The following NXPE1 variants were observed in gnomAD, a reference collection of about 807,000 sequenced individuals.
NXPE1 encodes neurexophilin and PC-esterase domain family member 1, also known as NXPE family member 1.
NXPE1 carries 31 observed loss-of-function variants against 33.3 expected under a neutral mutation model. The observed-to-expected ratio is 0.93, with a 90% CI of 0.70 to 1.26. The LOEUF is 1.26. Ranked by LOEUF, NXPE1 falls within the 50% of genes most tolerant of loss-of-function variation. The pLI is 0.00. For synonymous variants in NXPE1, 229 were observed against 231.4 expected (o/e 0.99, Z 0.09); for missense variants, 661 against 655.6 (o/e 1.01, Z -0.09).
At chr11:114,559,631 A>G (rs1948732963) in intron 1 of NXPE1, among the ~76,000 whole-genome samples, 167 bp downstream of exon 1, 1 of 151,372 alleles carries the variant, frequency 6.6e-6, no homozygotes, top group Non-Finnish European at 1.5e-5. Flanking sequence ...TGTTTCCCAC[A>G]CTTTCTTCTG....
chr11:114,545,691 CTTT>C (rs202218807), intron 5 of NXPE1, among the ~76,000 whole-genome samples: 2 of 138,762 alleles, frequency 1.4e-5, no homozygotes, highest in African/African-American at 2.6e-5. Context: ...AAGAGTGGAT[CTTT>C]TTTTTTTTTT....
At chr11:114,547,676 A>G (rs1375921948) in intron 5 of NXPE1, among the ~76,000 whole-genome samples, 5 of 152,188 alleles carry the variant, frequency 3.3e-5, no homozygotes, top group Non-Finnish European at 7.4e-5. Context: ...CAGAGGTTGC[A>G]GTGAGCCGAG....
intron 7 of NXPE1, chr11:114,526,539 G>C (rs879702015): frequency 7.9e-6 from 1 of 126,140 alleles, no homozygotes; most frequent in Non-Finnish European, 1.7e-5. Context: ...GGTTTCTGTG[G>C]CTTTCAAGTC....
At chr11:114,546,791 A>G (rs1948299497) in intron 5 of NXPE1, among the ~76,000 whole-genome samples, 1 of 152,162 alleles carries the variant, frequency 6.6e-6, no homozygotes, top group South Asian at 2.1e-4. Context: ...AGCATCTTGT[A>G]GTGTCGGAAA....
At chr11:114,528,975 C>A in intron 6 of NXPE1, 1 of 438,510 alleles carries the variant, frequency 2.3e-6, no homozygotes, top group Non-Finnish European at 4.1e-6. Context: ...TTTTACTTTT[C>A]AGAAGGGAGC....
chr11:114,546,375 T>C (rs527866350), intron 5 of NXPE1, among the ~76,000 whole-genome samples: 1 of 152,310 alleles, frequency 6.6e-6, no homozygotes, highest in African/African-American at 2.4e-5. Flanking sequence ...GAGCCCATGT[T>C]TAGCTTAATA....
intron 5 of NXPE1, among the ~76,000 whole-genome samples, chr11:114,532,164 TTGG>T (rs1303769110): frequency 6.6e-6 from 1 of 152,174 alleles, no homozygotes; most frequent in Non-Finnish European, 1.5e-5. Context: ...ACCCTTGTGA[TTGG>T]TAACAAACTG....
intron 6 of NXPE1, 75 bp from the exon 7 acceptor site, chr11:114,527,976 G>T: frequency 8.9e-7 from 1 of 1,122,884 alleles, no homozygotes; most frequent in Non-Finnish European, 1.3e-6. Context: ...CTGCTTGTGA[G>T]TGAAGGAAAA....
At chr11:114,557,809 T>A (rs113392722) in intron 1 of NXPE1, among the ~76,000 whole-genome samples, 2,057 of 151,922 alleles carry the variant, frequency 0.014, 39 homozygotes, top group African/African-American at 0.046. Flanking sequence ...CATCTTCTAG[T>A]GACAAATTCT....
chr11:114,545,597 G>T (rs1191730850), intron 5 of NXPE1, among the ~76,000 whole-genome samples: 1 of 152,074 alleles, frequency 6.6e-6, no homozygotes. Context: ...ATCAGAGGGG[G>T]ACTTTTTAGG....
intron 5 of NXPE1, among the ~76,000 whole-genome samples, chr11:114,531,405 A>G (rs907320310): frequency 6.6e-5 from 10 of 152,080 alleles, no homozygotes; most frequent in Admixed American, 6.5e-4. Flanking sequence ...TATCTCCTGG[A>G]TTATAGTGGC....
Position 114,546,543 on chromosome 11 carries a change from C to T in NXPE1, c.99+4560G>A, listed in dbSNP as rs185965604. 3.0e-3 allele frequency among the ~76,000 whole-genome samples: 451 copies of T among 151,288 alleles called. 3 individuals carry two copies. The highest frequency in any genetic ancestry group is 0.011 in the African/African-American group (437 of 41,212). On this transcript the variant is annotated intron_variant, in intron 5 of 8. Transcript: ENST00000534921. ...TCCCGAATTCCTGGCCTCAAACGATCCTCCCATCTCACCCTCCCAAAGTGC... is the reference window on the plus strand; with the variant it reads ...TCCCGAATTCCTGGCCTCAAACGATTCTCCCATCTCACCCTCCCAAAGTGC...
intron 1 of NXPE1, among the ~76,000 whole-genome samples, chr11:114,559,110 A>G (rs1948720008): frequency 6.6e-6 from 1 of 152,242 alleles, no homozygotes; most frequent in Admixed American, 6.5e-5. Flanking sequence ...TGTAAATTAA[A>G]AATATACATA....
At chr11:114,546,231 G>T (rs1948277838) in intron 5 of NXPE1, among the ~76,000 whole-genome samples, 1 of 152,262 alleles carries the variant, frequency 6.6e-6, no homozygotes, top group Admixed American at 6.5e-5. Flanking sequence ...ACCATTGTAT[G>T]TGTATGCTGG....
chr11:114,535,552 G>C (rs2135002096), intron 5 of NXPE1, among the ~76,000 whole-genome samples: 1 of 152,202 alleles, frequency 6.6e-6, no homozygotes, highest in East Asian at 1.9e-4. Flanking sequence ...CACATGCAGA[G>C]ACATACATAG....
intron 5 of NXPE1, among the ~76,000 whole-genome samples, chr11:114,532,348 CCTTTTGGTT>C (rs550166114): frequency 9.0e-4 from 137 of 152,122 alleles, no homozygotes; most frequent in African/African-American, 3.2e-3. Context: ...CCCAAAAGAA[CCTTTTGGTT>C]CTCTGGAAAA....
At chr11:114,530,200 C>T in exon 6 of NXPE1, 1 of 1,609,536 alleles carries the variant, frequency 6.2e-7, no homozygotes, top group Non-Finnish European at 8.5e-7. Flanking sequence ...TTTTCCTTGT[C>T]TGTAAGATAA....
chr11:114,521,383 A>G (rs1591247851), downstream of NXPE1, among the ~76,000 whole-genome samples: 4 of 152,154 alleles, frequency 2.6e-5, no homozygotes, highest in South Asian at 8.3e-4. Context: ...ATCTATGGCC[A>G]ATGAAGAGAC....
chr11:114,551,260 T>A, intron 4 of NXPE1, 49 bp from the exon 5 acceptor site: 1 of 1,302,726 alleles, frequency 7.7e-7, no homozygotes, highest in South Asian at 1.4e-5. Context: ...AATCTCTCTG[T>A]ACTCACTCAT....
Sources: allele counts gnomAD v4.1 joint callset (sites outside exome capture counted in the v4.1 genomes callset), GRCh38; gene constraint gnomAD v4.1.1; transcripts MANE v1.5; gene names NCBI Gene and HGNC (gene_info 2026-07-23, HGNC 2026-07-21).